Variants in RBFOX1 observed in about 807,000 individuals in gnomAD.
RBFOX1 encodes RNA binding fox-1 homolog 1.
RBFOX1 carries 8 observed loss-of-function variants against 57.7 expected under a neutral mutation model. The observed-to-expected ratio is 0.14, with a 90% CI of 0.08 to 0.25. RBFOX1 has a LOEUF of 0.25. Ranked by LOEUF, RBFOX1 falls within the 10% of genes least tolerant of loss-of-function variation. The probability of loss-of-function intolerance (pLI) is 1.00; values close to 1 mark genes in which losing one functional copy is unlikely to be tolerated. For synonymous variants in RBFOX1, 326 were observed against 222.4 expected, an observed-to-expected ratio of 1.47 and a Z score of -4.15; for missense variants, 611 against 548.5, an observed-to-expected ratio of 1.11 and a Z score of -1.14.
intron 2 of RBFOX1, among the ~76,000 whole-genome samples, chr16:6,586,247 A>C (rs2097614383): frequency 6.6e-6 from 1 of 152,196 alleles, no homozygotes; most frequent in Admixed American, 6.5e-5. Flanking sequence ...AGGTGTGAAA[A>C]CCAACAATTT....
At chr16:6,357,115 C>T (rs967968519) in intron 2 of RBFOX1, among the ~76,000 whole-genome samples, 1 of 152,000 alleles carries the variant, frequency 6.6e-6, no homozygotes, top group East Asian at 2.0e-4. Flanking sequence ...CCCCTCCTGC[C>T]CTGCTTGCGG....
chr16:6,685,272 T>TG, intron 3 of RBFOX1, among the ~76,000 whole-genome samples: 1 of 102,366 alleles, frequency 9.8e-6, no homozygotes, highest in Admixed American at 1.3e-4. Context: ...GGAGAGTTTT[T>TG]CTTTTTTTTT....
intron 3 of RBFOX1, among the ~76,000 whole-genome samples, chr16:7,029,077 TATATACACACACACACAC>T (rs1383296621): frequency 6.7e-5 from 3 of 44,590 alleles, no homozygotes; most frequent in African/African-American, 2.6e-4. Flanking sequence ...TATATATATA[TATATACACACACACACAC>T]ACACACACAC....
At chr16:5,353,658 A>T (rs1166977224) in intron 1 of RBFOX1, among the ~76,000 whole-genome samples, 1 of 151,882 alleles carries the variant, frequency 6.6e-6, no homozygotes, top group African/African-American at 2.4e-5. Context: ...GACATATTTT[A>T]AAGTCACTTT....
intron 2 of RBFOX1, among the ~76,000 whole-genome samples, chr16:5,472,536 G>C (rs1010591154): frequency 3.3e-5 from 5 of 152,096 alleles, no homozygotes; most frequent in African/African-American, 1.2e-4. Flanking sequence ...TGCTATCCCA[G>C]GGGTCAGGAG....
chr16:7,268,071 C>T lies in RBFOX1; in HGVS notation c.27+215973C>T, dbSNP rs117627610. Among the ~76,000 whole-genome samples, 8 of 152,278 alleles carry T rather than the reference C, an allele frequency of 5.3e-5. No homozygotes were observed. In the East Asian group the frequency reaches 5.8e-4, roughly 11 times the overall value. ...GGTGATCTAGCTTATTGCATCTAGG[C>T]TACAAAGCTAGCAGGTTAGTGTGCT... is the stretch of plus-strand genomic sequence containing the variant. On this transcript the variant is annotated intron_variant, in intron 4 of 15. Transcript: ENST00000550418.
chr16:5,669,966 T>C (rs371188874), intron 3 of RBFOX1, among the ~76,000 whole-genome samples: 2 of 152,264 alleles, frequency 1.3e-5, no homozygotes, highest in African/African-American at 4.8e-5. Flanking sequence ...GATAAACACA[T>C]TGTGGTCTAT....
At chr16:6,360,791 A>T (rs1307804812) in intron 2 of RBFOX1, among the ~76,000 whole-genome samples, 1 of 152,170 alleles carries the variant, frequency 6.6e-6, no homozygotes, top group Non-Finnish European at 1.5e-5. Flanking sequence ...GCCATGTGCC[A>T]CAGAGCTCCA....
intron 1 of RBFOX1, among the ~76,000 whole-genome samples, chr16:6,151,021 C>G (rs1485898528): frequency 1.8e-4 from 27 of 152,160 alleles, no homozygotes; most frequent in Admixed American, 1.8e-3. Flanking sequence ...CTTACAGATT[C>G]AGAAAGGAGA....
In RBFOX1 at chr16:7,519,987, G is replaced by A. The variant is rs536575794; in HGVS notation, c.270+1598G>A. The stretch of plus-strand genomic sequence containing the variant: ...TGCAAGCTCCACCTCCCAGGTTCAC[G>A]CCATTCTCCTGCCTCAGTCTCCCGA... On this transcript the variant is annotated intron_variant, in intron 5 of 15. Transcript: ENST00000550418. 5.9e-5 allele frequency among the ~76,000 whole-genome samples: 9 copies of A among 152,204 alleles called. No homozygotes were observed. In the South Asian group the frequency reaches 6.2e-4, roughly 11 times the overall value.
intron 2 of RBFOX1, among the ~76,000 whole-genome samples, chr16:6,599,991 A>G (rs1402422452): frequency 6.6e-6 from 1 of 152,152 alleles, no homozygotes; most frequent in Non-Finnish European, 1.5e-5. Context: ...ATGTTGTCCT[A>G]TTGCCATCTT....
chr16:6,537,534 A>T (rs982207787), intron 2 of RBFOX1, among the ~76,000 whole-genome samples: 1 of 152,188 alleles, frequency 6.6e-6, no homozygotes, highest in Non-Finnish European at 1.5e-5. Context: ...CGAGTTGCTG[A>T]GCTAACACTC....
intron 1 of RBFOX1, among the ~76,000 whole-genome samples, chr16:6,187,740 G>A (rs1437580815): frequency 6.6e-6 from 1 of 152,192 alleles, no homozygotes; most frequent in East Asian, 1.9e-4. Context: ...TGATGGCAAA[G>A]TGGGATGTAG....
chr16:6,809,962 T>C (rs1445437145), intron 3 of RBFOX1, among the ~76,000 whole-genome samples: 1 of 151,776 alleles, frequency 6.6e-6, no homozygotes, highest in Non-Finnish European at 1.5e-5. Flanking sequence ...TTGAGATTGA[T>C]ATGATCAGAC....
chr16:5,434,338 T>C (rs912094622), intron 1 of RBFOX1, among the ~76,000 whole-genome samples: 2 of 147,984 alleles, frequency 1.4e-5, no homozygotes, highest in African/African-American at 2.5e-5. Context: ...TTTTTTTTTT[T>C]TGAGGCAGGG....
intron 3 of RBFOX1, among the ~76,000 whole-genome samples, chr16:5,801,479 C>T (rs11866610): frequency 6.6e-6 from 1 of 151,966 alleles, no homozygotes. Flanking sequence ...CAGTAATATA[C>T]TTAGCAGTCA....
chr16:6,579,539 A>G (rs536555462), intron 2 of RBFOX1, among the ~76,000 whole-genome samples: 1 of 152,278 alleles, frequency 6.6e-6, no homozygotes, highest in East Asian at 1.9e-4. Context: ...ATGGTTTTGT[A>G]ACGGGCTTTT....
intron 2 of RBFOX1, among the ~76,000 whole-genome samples, chr16:5,522,941 A>G (rs755708601): frequency 2.0e-4 from 30 of 152,028 alleles, no homozygotes; most frequent in Non-Finnish European, 3.7e-4. Context: ...TCATCCATCC[A>G]TTGATGGACA....
chr16:6,964,266 C>G (rs36037495), intron 3 of RBFOX1, among the ~76,000 whole-genome samples: 93,000 of 151,978 alleles, frequency 0.61, 28,553 homozygotes, highest in Non-Finnish European at 0.63. Context: ...TGATGCACCC[C>G]CCTCGACCTC....
Sources: allele counts gnomAD v4.1 joint callset (sites outside exome capture counted in the v4.1 genomes callset), GRCh38; gene constraint gnomAD v4.1.1; transcripts MANE v1.5; gene names NCBI Gene and HGNC (gene_info 2026-07-23, HGNC 2026-07-21).